RAPGEF6: variants seen among roughly 807,000 people sequenced by gnomAD.
RAPGEF6 encodes PDZ domain containing guanine nucleotide exchange factor (GEF) 2.
RAPGEF6 carries 56 observed loss-of-function variants against 171.4 expected under a neutral mutation model. That is an observed-to-expected ratio of 0.33 (90% CI 0.26 to 0.41). RAPGEF6 has a LOEUF of 0.41. RAPGEF6 is among the 10% of genes least tolerant of loss of function. RAPGEF6 has a pLI of 1.00. For missense variants in RAPGEF6, 1,674 were observed against 1,921.4 expected (o/e 0.87, Z 2.41); for synonymous variants, 692 against 650.1 (o/e 1.06, Z -0.98).
At position 131,424,106 on chromosome 5, in the gene RAPGEF6, A is replaced by C. The variant is rs1385107055; in HGVS notation, c.*3160T>G. ...AAGAGGTATCAAAAAATAGGAGACAAACATTGCTTGTTACAGGATACCTTA... is the reference window on the plus strand; with the variant it reads ...AAGAGGTATCAAAAAATAGGAGACACACATTGCTTGTTACAGGATACCTTA... On this transcript the variant is annotated 3_prime_UTR_variant, in exon 28 of 28. Coordinates refer to ENST00000509018, the MANE Select transcript of RAPGEF6 (RefSeq NM_016340.6). 1 of 152,358 alleles carries C rather than the reference A, an allele frequency of 6.6e-6. No individual in the cohort carries two copies. The highest frequency in any genetic ancestry group is 1.5e-5 in the Non-Finnish European group (1 of 68,030). 9.4% of individuals were successfully genotyped at this position (152,358 alleles called of 1,614,324 possible).
chr5:131,596,431 A>T (rs2150007754), intron 3 of RAPGEF6, among the ~76,000 whole-genome samples: 1 of 151,556 alleles, frequency 6.6e-6, no homozygotes, highest in South Asian at 2.1e-4. Flanking sequence ...TGGAGTGCCC[A>T]AGCTTGTAAA....
At chr5:131,515,971 A>G (rs1208957367) in intron 7 of RAPGEF6, among the ~76,000 whole-genome samples, 1 of 151,954 alleles carries the variant, frequency 6.6e-6, no homozygotes, top group African/African-American at 2.4e-5. Flanking sequence ...AATCAGAGCA[A>G]TTTATTTCAA....
chr5:131,577,674 A>C (rs919941148), intron 4 of RAPGEF6, among the ~76,000 whole-genome samples: 2 of 152,196 alleles, frequency 1.3e-5, no homozygotes, highest in Non-Finnish European at 2.9e-5. Flanking sequence ...AGTCATCTAC[A>C]GTACCCTAAC....
At chr5:131,538,919 T>G (rs533744272) in intron 6 of RAPGEF6, among the ~76,000 whole-genome samples, 96 of 152,310 alleles carry the variant, frequency 6.3e-4, no homozygotes, top group South Asian at 2.7e-3. Flanking sequence ...TCCATATTAT[T>G]TCCTAGAAGA....
intron 16 of RAPGEF6, among the ~76,000 whole-genome samples, chr5:131,476,046 C>A (rs1437587360): frequency 6.6e-6 from 1 of 152,062 alleles, no homozygotes; most frequent in Admixed American, 6.5e-5. Flanking sequence ...AGAAAGAAAG[C>A]AGAGAAGGAA....
chr5:131,521,869 ACACACACACACACACACACACACTCT>A (rs1758506152), intron 6 of RAPGEF6, among the ~76,000 whole-genome samples: 1 of 124,486 alleles, frequency 8.0e-6, no homozygotes, highest in Admixed American at 8.0e-5. Flanking sequence ...ACACACACAC[ACACACACACACACACACACACACTCT>A]CTCTCTCTCT....
intron 15 of RAPGEF6, among the ~76,000 whole-genome samples, chr5:131,486,726 ATTTTTT>A (rs5871425): frequency 7.1e-5 from 9 of 127,296 alleles, no homozygotes; most frequent in Non-Finnish European, 9.7e-5. Flanking sequence ...CAAGGGATAA[ATTTTTT>A]TTTTTTTTTT....
chr5:131,509,957 GTTCCCCT>G (rs1414537992), intron 8 of RAPGEF6, among the ~76,000 whole-genome samples: 5 of 152,196 alleles, frequency 3.3e-5, no homozygotes, highest in Non-Finnish European at 7.4e-5. Context: ...GGAAGCCTAA[GTTCCCCT>G]TAAGTATGTT....
At chr5:131,432,626 G>A (rs1483439371) in intron 25 of RAPGEF6, among the ~76,000 whole-genome samples, 3 of 150,772 alleles carry the variant, frequency 2.0e-5, no homozygotes, top group East Asian at 1.9e-4. Context: ...CTCACAGAGC[G>A]AGACTCCGCC....
At position 131,431,134 on chromosome 5, in the gene RAPGEF6, T is replaced by C; in HGVS notation, c.4190A>G (p.Asp1397Gly). 1 of 1,614,208 alleles carries C rather than the reference T, an allele frequency of 6.2e-7. No homozygotes were observed. The highest frequency in any genetic ancestry group is 8.5e-7 in the Non-Finnish European group (1 of 1,180,036). Residue 1397 changes from aspartate to glycine, a missense_variant, in exon 26 of 28, where the codon GAT becomes GGT. Coordinates refer to ENST00000509018, the MANE Select transcript of RAPGEF6 (RefSeq NM_016340.6). ...GGGTTCAACTTCAGCAATGGGGTCA[T>C]CCAAATGGGTATGTCTGTAAGAGTT... ...FLNSYRHTHL[D>G]DPIAEVEPTD...
At chr5:131,585,037 A>C (rs879561061) in intron 4 of RAPGEF6, among the ~76,000 whole-genome samples, 3 of 152,232 alleles carry the variant, frequency 2.0e-5, no homozygotes, top group Non-Finnish European at 2.9e-5. Context: ...GCCAATAAGC[A>C]TAAGGGCATA....
At position 131,429,045 on chromosome 5, in the gene RAPGEF6, A is replaced by C; in HGVS notation, c.4637T>G (p.Leu1546Arg). ...GAGAGAAGCTGGTGGCAGTCTAGAG[A>C]GGCTGTTATGCATCATCTTTGACCT... ...VQRSKMMHNS[L>R]SRLPPASLSS... Residue 1546 changes from leucine (L) to arginine (R), a missense_variant, in exon 27 of 28, where the codon CTC becomes CGC. Leu to Arg is a moderately radical substitution (Grantham distance 102). Around this residue, in one of 3 missense-constraint regions of RAPGEF6, gnomAD observed 552 missense variants for 574.2 expected, o/e 0.96. Transcript: ENST00000509018. 1 of 1,614,158 alleles carries C rather than the reference A, an allele frequency of 6.2e-7. No homozygotes were observed. The highest frequency in any genetic ancestry group is 2.2e-5 in the East Asian group (1 of 44,884).
In RAPGEF6 at chr5:131,424,926, T is replaced by G. The variant is rs997895766; in HGVS notation, c.*2340A>C. ...ACAAAAACAAATGGAGATCTGGAAT[T>G]GGAGTAAATGCAGCTTAAGACTTCT... is the stretch of plus-strand genomic sequence containing the variant. On this transcript the variant is annotated 3_prime_UTR_variant, in exon 28 of 28. Coordinates refer to ENST00000509018, the MANE Select transcript of RAPGEF6 (RefSeq NM_016340.6). 1.3e-5 allele frequency: 2 copies of G among 152,352 alleles called. No individual in the cohort carries two copies. The highest frequency in any genetic ancestry group is 2.9e-5 in the Non-Finnish European group (2 of 68,038). 9.4% of individuals were successfully genotyped at this position (152,352 alleles called of 1,614,324 possible). A position where few individuals can be genotyped will look rare whatever the true frequency, so the allele number is the denominator to read the frequency against.
At chr5:131,542,646 A>T (rs1046907059) in intron 6 of RAPGEF6, among the ~76,000 whole-genome samples, 1 of 152,210 alleles carries the variant, frequency 6.6e-6, no homozygotes, top group African/African-American at 2.4e-5. Flanking sequence ...ACAGGCACAT[A>T]AACAAGATAT....
intron 19 of RAPGEF6, among the ~76,000 whole-genome samples, chr5:131,458,767 C>A (rs1340881617): frequency 6.6e-6 from 1 of 152,242 alleles, no homozygotes; most frequent in Admixed American, 6.5e-5. Context: ...GATTCTCCTG[C>A]CTCAGCCTCC....
chr5:131,572,333 C>A (rs1056469720), intron 4 of RAPGEF6, among the ~76,000 whole-genome samples: 1 of 152,130 alleles, frequency 6.6e-6, no homozygotes, highest in East Asian at 1.9e-4. Context: ...CTCGGGTAAG[C>A]GGTTTTTTCG....
At chr5:131,523,401 CATAT>C (rs1758643043) in intron 6 of RAPGEF6, among the ~76,000 whole-genome samples, 1 of 146,282 alleles carries the variant, frequency 6.8e-6, no homozygotes, top group African/African-American at 2.5e-5. Context: ...AGTGATCTAT[CATAT>C]ATATAGAGAA....
At chr5:131,601,896 A>G (rs534664693) in intron 3 of RAPGEF6, among the ~76,000 whole-genome samples, 84 of 152,120 alleles carry the variant, frequency 5.5e-4, no homozygotes, top group Non-Finnish European at 9.7e-4. Context: ...TTAGCTGGGC[A>G]TGGTGGTGGG....
At chr5:131,454,107 C>T (rs1378329917) in intron 20 of RAPGEF6, among the ~76,000 whole-genome samples, 1 of 152,208 alleles carries the variant, frequency 6.6e-6, no homozygotes, top group African/African-American at 2.4e-5. Context: ...CGAGTACAGA[C>T]ACCCTGTCTT....
Sources: gnomAD v4.1 joint callset for allele counts (sites outside exome capture counted in the v4.1 genomes callset) on GRCh38, gnomAD v4.1.1 for gene constraint, gnomAD v4.1.1 regional missense constraint, MANE v1.5 for transcripts, NCBI Gene and HGNC (gene_info 2026-07-23, HGNC 2026-07-21) for gene names.